Variants in LINGO2 observed in about 807,000 individuals in gnomAD.
LINGO2 encodes leucine-rich repeat and immunoglobulin-like domain-containing nogo receptor-interacting protein 2.
LINGO2 carries 14 observed loss-of-function variants against 30.6 expected under a neutral mutation model. The observed-to-expected ratio is 0.46, with a 90% CI of 0.30 to 0.72. LINGO2 has a LOEUF of 0.72. Ranked by LOEUF, LINGO2 falls within the 30% of genes least tolerant of loss-of-function variation. LINGO2 has a pLI of 0.07. For synonymous variants in LINGO2, 317 were observed against 288.5 expected (o/e 1.10, Z -1.00); for missense variants, 729 against 751.7 (o/e 0.97, Z 0.35).
the LINGO2 span, among the ~76,000 whole-genome samples, chr9:28,825,013 G>A: frequency 6.6e-5 from 10 of 152,096 alleles, no homozygotes; most frequent in Non-Finnish European, 1.5e-4. Flanking sequence ...AGTGAAGGCT[G>A]CATGCATATT....
the LINGO2 span, among the ~76,000 whole-genome samples, chr9:29,045,003 C>G: frequency 6.6e-6 from 1 of 151,994 alleles, no homozygotes; most frequent in Admixed American, 6.6e-5. Context: ...GTACTATATT[C>G]ATCCTTCTTC....
At chr9:28,034,132 G>C (rs1424280342) in intron 4 of LINGO2, among the ~76,000 whole-genome samples, 2 of 152,104 alleles carry the variant, frequency 1.3e-5, no homozygotes, top group African/African-American at 4.8e-5. Context: ...CCTTAAACCT[G>C]TGAGGTGTTT....
the LINGO2 span, among the ~76,000 whole-genome samples, chr9:28,797,359 T>TATATATATATATATAGAGAGAGAG: frequency 8.8e-5 from 3 of 34,214 alleles, no homozygotes; most frequent in African/African-American, 2.9e-4. Context: ...TATATATATA[T>TATATATATATATATAGAGAGAGAG]AGAGAGAGAG....
intron 1 of LINGO2, among the ~76,000 whole-genome samples, chr9:28,532,250 C>T (rs2135431801): frequency 6.6e-6 from 1 of 152,180 alleles, no homozygotes; most frequent in Admixed American, 6.5e-5. Context: ...ATAGATTTCT[C>T]CTATAAATCT....
At chr9:28,027,527 T>C (rs1477228819) in intron 4 of LINGO2, among the ~76,000 whole-genome samples, 2 of 152,130 alleles carry the variant, frequency 1.3e-5, no homozygotes. Context: ...CAAGCATGGG[T>C]GGAATACAGC....
chr9:28,814,955 A>T, the LINGO2 span, among the ~76,000 whole-genome samples: 6 of 152,190 alleles, frequency 3.9e-5, no homozygotes, highest in African/African-American at 1.4e-4. Context: ...TTAAACAATA[A>T]CTTGGTTAGA....
At chr9:28,459,779 A>C (rs1825001417) in intron 2 of LINGO2, among the ~76,000 whole-genome samples, 1 of 152,102 alleles carries the variant, frequency 6.6e-6, no homozygotes, top group South Asian at 2.1e-4. Flanking sequence ...TTGAAACTTC[A>C]AAGTATTTAT....
At chr9:28,871,046 T>C in the LINGO2 span, among the ~76,000 whole-genome samples, 2 of 151,884 alleles carry the variant, frequency 1.3e-5, no homozygotes, top group Non-Finnish European at 2.9e-5. Context: ...TACAGAAATG[T>C]TTACATTTGA....
intron 4 of LINGO2, among the ~76,000 whole-genome samples, chr9:28,072,409 C>G (rs1244334737): frequency 6.6e-5 from 10 of 152,200 alleles, no homozygotes; most frequent in Admixed American, 6.5e-4. Context: ...TGAGTTTCAG[C>G]AGAAACCAAA....
the LINGO2 span, among the ~76,000 whole-genome samples, chr9:28,996,592 C>T: frequency 6.6e-6 from 1 of 152,122 alleles, no homozygotes; most frequent in Non-Finnish European, 1.5e-5. Flanking sequence ...CTTTTCAAGC[C>T]AAGGTATATA....
rs1376816721 is a variant in LINGO2, at chr9:28,108,913, G to A, written c.-86-96508C>T. 2.0e-5 allele frequency among the ~76,000 whole-genome samples: 3 copies of A among 152,052 alleles called. 1 individual carries two copies. Among genetic ancestry groups the A allele is most frequent in the Admixed American group, 1.3e-4 (2 of 15,258 alleles). On this transcript the variant is annotated intron_variant, in intron 4 of 5. Coordinates refer to ENST00000379992, the Ensembl canonical transcript of LINGO2. Reference sequence around the variant, plus strand: ...ACTCAAAGCCATTCCAAAATTATCTGAGACATAAGCCTGTGCTTTGTCTTC... The same window carrying A: ...ACTCAAAGCCATTCCAAAATTATCTAAGACATAAGCCTGTGCTTTGTCTTC...
At chr9:28,449,328 T>C (rs1824555306) in intron 2 of LINGO2, among the ~76,000 whole-genome samples, 1 of 152,070 alleles carries the variant, frequency 6.6e-6, no homozygotes, top group Admixed American at 6.6e-5. Context: ...TTGCATATTC[T>C]GCCATAGTAT....
chr9:28,540,219 AT>A (rs903049737), intron 1 of LINGO2, among the ~76,000 whole-genome samples: 26 of 137,220 alleles, frequency 1.9e-4, no homozygotes, highest in African/African-American at 2.7e-4. Flanking sequence ...TTTTCAGTTC[AT>A]TTTTTTTTTC....
the LINGO2 span, among the ~76,000 whole-genome samples, chr9:28,794,325 A>C: frequency 6.6e-6 from 1 of 152,156 alleles, no homozygotes. Context: ...AAACAAAACC[A>C]AAACACACAC....
At chr9:28,921,964 G>T in the LINGO2 span, among the ~76,000 whole-genome samples, 1 of 152,114 alleles carries the variant, frequency 6.6e-6, no homozygotes, top group Non-Finnish European at 1.5e-5. Context: ...TTGGCAGGTG[G>T]TCTTCTCCAT....
chr9:28,571,562 G>C (rs1325161887), intron 1 of LINGO2, among the ~76,000 whole-genome samples: 2 of 152,014 alleles, frequency 1.3e-5, no homozygotes, highest in African/African-American at 4.8e-5. Context: ...TTAAGAAACT[G>C]AGACTCAGAG....
At chr9:28,850,094 T>A in the LINGO2 span, among the ~76,000 whole-genome samples, 1 of 151,762 alleles carries the variant, frequency 6.6e-6, no homozygotes, top group Non-Finnish European at 1.5e-5. Flanking sequence ...CTTAAAGGAG[T>A]ATGGATACTT....
At chr9:29,162,871 T>A in the LINGO2 span, among the ~76,000 whole-genome samples, 39,181 of 151,874 alleles carry the variant, frequency 0.26, 5,262 homozygotes, top group East Asian at 0.44. Context: ...TCCAAAGAAT[T>A]TTACCCCAAA....
intron 4 of LINGO2, among the ~76,000 whole-genome samples, chr9:28,242,688 T>A (rs4878950): frequency 6.6e-6 from 1 of 151,726 alleles, no homozygotes; most frequent in Non-Finnish European, 1.5e-5. Flanking sequence ...TCTCCAAGGT[T>A]GAAATGAGGA....
Sources: gnomAD v4.1 joint callset for allele counts (sites outside exome capture counted in the v4.1 genomes callset) on GRCh38, gnomAD v4.1.1 for gene constraint, MANE v1.5 for transcripts, NCBI Gene and HGNC (gene_info 2026-07-23, HGNC 2026-07-21) for gene names.